Variants in NME8 observed in about 807,000 individuals in gnomAD.
The protein encoded by NME8 is NME/NM23 family member 8, also known as protein NME8.
A neutral mutation model predicts 82.3 loss-of-function variants in NME8; 72 were observed. The ratio of observed to expected loss-of-function variants is 0.87; its 90% CI spans 0.72 to 1.06. NME8 has a LOEUF of 1.06. Ranked by LOEUF, NME8 falls within the 50% of genes least tolerant of loss-of-function variation. The pLI is 0.00. For synonymous variants in NME8, 267 were observed against 228.5 expected (o/e 1.17, Z -1.52); for missense variants, 712 against 685.4 (o/e 1.04, Z -0.43).
At chr7:37,881,449 A>T (rs1267758732) in intron 12 of NME8, among the ~76,000 whole-genome samples, 1 of 151,900 alleles carries the variant, frequency 6.6e-6, no homozygotes, top group Admixed American at 6.6e-5. Context: ...ATTAGTGGCG[A>T]TTATGTTAAT....
chr7:37,877,000 A>G lies in NME8; in HGVS notation c.987A>G (p.Glu329=). The G allele has an allele frequency of 6.2e-7, 1 of 1,611,676 alleles. No individual in the cohort carries two copies. ...TACTTCGACCAAATCTCTTTCATGA[A>G]AGGAAAGGTAGGGAATCAAGCATAA... ...LALLRPNLFH[E]RKDDVLRIIK... The change falls in exon 12 of 18, where the codon GAA becomes GAG. Residue 329 remains glutamate, a synonymous_variant. Transcript: ENST00000199447.
chr7:37,857,327 T>C lies in NME8; in HGVS notation c.252T>C (p.Pro84=). 1 of 1,609,802 alleles carries C rather than the reference T, an allele frequency of 6.2e-7. No homozygotes were observed. The highest frequency in any genetic ancestry group is 8.5e-7 in the Non-Finnish European group (1 of 1,176,640). ...TLQPFRDKCE[P]VFLFSVNGKI... is the part of the protein sequence containing the mutation. ...AGCCATTTAGAGATAAATGTGAACCTGTTTTTCTCTTTAGTGTTGTAAGTA... is the reference window on the plus strand; with the variant it reads ...AGCCATTTAGAGATAAATGTGAACCCGTTTTTCTCTTTAGTGTTGTAAGTA... The change falls in exon 6 of 18, where the codon CCT becomes CCC. Residue 84 remains proline, a synonymous_variant. Transcript: ENST00000199447.
At chr7:37,883,268 A>G (rs937591141) in intron 12 of NME8, among the ~76,000 whole-genome samples, 2 of 152,184 alleles carry the variant, frequency 1.3e-5, no homozygotes, top group African/African-American at 4.8e-5. Flanking sequence ...AGGTACCCTC[A>G]TTTGAGAAAT....
At chr7:37,865,478 C>A (rs1351019147) in intron 9 of NME8, 47 bp from the exon 10 acceptor site, 2 of 1,308,060 alleles carry the variant, frequency 1.5e-6, no homozygotes, top group Admixed American at 3.4e-5. Context: ...ACTTGTTTTA[C>A]ATGTGATCCC....
chr7:37,881,415 C>T (rs1324532355), intron 12 of NME8, among the ~76,000 whole-genome samples: 1 of 152,148 alleles, frequency 6.6e-6, no homozygotes, highest in African/African-American at 2.4e-5. Flanking sequence ...CTAACATAAT[C>T]ATATGACTTT....
intron 11 of NME8, among the ~76,000 whole-genome samples, chr7:37,869,960 C>T (rs1411391885): frequency 2.0e-5 from 3 of 152,162 alleles, no homozygotes; most frequent in Non-Finnish European, 4.4e-5. Context: ...TCAGATCCGA[C>T]AGGAACAATT....
intron 15 of NME8, among the ~76,000 whole-genome samples, chr7:37,893,874 T>C (rs558678301): frequency 4.6e-5 from 7 of 152,258 alleles, no homozygotes; most frequent in African/African-American, 1.7e-4. Context: ...CTCCAGGCTG[T>C]CTGTTGGTTA....
chr7:37,865,476 T>C, intron 9 of NME8, 49 bp from the exon 10 acceptor site: 1 of 1,304,548 alleles, frequency 7.7e-7, no homozygotes, highest in Non-Finnish European at 1.1e-6. Context: ...TAACTTGTTT[T>C]ACATGTGATC....
chr7:37,875,504 T>G (rs1784834493), intron 11 of NME8, among the ~76,000 whole-genome samples: 1 of 152,054 alleles, frequency 6.6e-6, no homozygotes, highest in African/African-American at 2.4e-5. Flanking sequence ...TGTTAACAGT[T>G]GGTGAACCTA....
intron 7 of NME8, among the ~76,000 whole-genome samples, chr7:37,862,993 G>T (rs540334013): frequency 5.7e-4 from 87 of 152,096 alleles, no homozygotes; most frequent in South Asian, 5.6e-3. Flanking sequence ...GGTGGCAGGT[G>T]CCTGTAATCC....
chr7:37,863,856 G>A (rs974706844), intron 8 of NME8, among the ~76,000 whole-genome samples: 1 of 152,138 alleles, frequency 6.6e-6, no homozygotes, highest in Non-Finnish European at 1.5e-5. Flanking sequence ...ATCTGCATTG[G>A]GGTAGTGGGG....
At chr7:37,873,994 G>A (rs1784810916) in intron 11 of NME8, among the ~76,000 whole-genome samples, 1 of 152,098 alleles carries the variant, frequency 6.6e-6, no homozygotes, top group Non-Finnish European at 1.5e-5. Context: ...CTCATTTTAG[G>A]ACTACTGGAA....
chr7:37,889,790 A>G (rs1785101040), intron 15 of NME8, among the ~76,000 whole-genome samples: 1 of 152,000 alleles, frequency 6.6e-6, no homozygotes, highest in Non-Finnish European at 1.5e-5. Flanking sequence ...CACTAGTGTC[A>G]TGGTGAAAAG....
At chr7:37,868,649 T>A (rs1464848493) in intron 11 of NME8, among the ~76,000 whole-genome samples, 1 of 152,066 alleles carries the variant, frequency 6.6e-6, no homozygotes, top group African/African-American at 2.4e-5. Flanking sequence ...GGCATACCAG[T>A]CTGGCCACAA....
At chr7:37,879,044 C>G (rs1784902966) in intron 12 of NME8, among the ~76,000 whole-genome samples, 1 of 152,062 alleles carries the variant, frequency 6.6e-6, no homozygotes, top group African/African-American at 2.4e-5. Flanking sequence ...TCTCCTAACC[C>G]CTGGCAACCA....
Position 37,867,684 on chromosome 7 carries a change from T to C in NME8, c.622-18T>C. The C allele has an allele frequency of 6.2e-7, 1 of 1,600,198 alleles. No individual in the cohort carries two copies. The highest frequency in any genetic ancestry group is 8.6e-7 in the Non-Finnish European group (1 of 1,167,742). Reference sequence around the variant, plus strand: ...TTTCAGGAGCCTGAAGGAAACAGTTTATCATTTTATTTTGTAGTGTGACTT... The same window carrying C: ...TTTCAGGAGCCTGAAGGAAACAGTTCATCATTTTATTTTGTAGTGTGACTT... On this transcript the variant is annotated intron_variant, in intron 10 of 17. Coordinates refer to ENST00000199447, the MANE Select transcript of NME8 (RefSeq NM_016616.5).
At position 37,896,881 on chromosome 7, in the gene NME8, T is replaced by C. The variant is rs765328516; in HGVS notation, c.1556T>C (p.Met519Thr). Residue 519 changes from methionine to threonine, a missense_variant, in exon 17 of 18, where the codon ATG becomes ACG. By Grantham distance (81) the Met-to-Thr change is moderately conservative. Transcript: ENST00000199447. ...LLEMLSVGPSMVMILTKWNAV... is the reference protein window; with the variant it reads ...LLEMLSVGPSTVMILTKWNAV... ...ACCGTTCTTTGCAGGGGTCCATCTA[T>C]GGTCATGATTCTGACCAAGTGGAAT... 10 of 1,613,584 alleles carry C rather than the reference T, an allele frequency of 6.2e-6. No individual in the cohort carries two copies. The highest frequency in any genetic ancestry group is 7.6e-6 in the Non-Finnish European group (9 of 1,179,734).
intron 12 of NME8, among the ~76,000 whole-genome samples, chr7:37,881,371 G>A (rs1784942224): frequency 6.6e-6 from 1 of 152,076 alleles, no homozygotes. Flanking sequence ...TCATGAATTG[G>A]TATTAAATTT....
At chr7:37,879,390 A>G (rs1583638627) in intron 12 of NME8, among the ~76,000 whole-genome samples, 1 of 151,886 alleles carries the variant, frequency 6.6e-6, no homozygotes, top group Non-Finnish European at 1.5e-5. Context: ...CAAGTGATCC[A>G]CCTGCCTCGC....
Sources: gnomAD v4.1 joint callset for allele counts (sites outside exome capture counted in the v4.1 genomes callset) on GRCh38, gnomAD v4.1.1 for gene constraint, MANE v1.5 for transcripts, NCBI Gene and HGNC (gene_info 2026-07-23, HGNC 2026-07-21) for gene names.